The following UBE3C variants were observed in gnomAD, a reference collection of about 807,000 sequenced individuals.
UBE3C encodes ubiquitin-protein ligase E3C.
Under a neutral mutation model 129.4 loss-of-function variants are expected in UBE3C, and 42 were observed. That is an observed-to-expected ratio of 0.32 (90% confidence interval 0.25 to 0.42). UBE3C has a LOEUF of 0.42. UBE3C is among the 10% of genes least tolerant of loss of function. UBE3C has a pLI of 1.00. For synonymous variants in UBE3C, 510 were observed against 492.4 expected, an observed-to-expected ratio of 1.04 and a Z score of -0.47; for missense variants, 1,049 against 1,319.1, an observed-to-expected ratio of 0.80 and a Z score of 3.17.
chr7:157,203,270 T>C (rs1264089594), intron 11 of UBE3C, among the ~76,000 whole-genome samples: 1 of 152,148 alleles, frequency 6.6e-6, no homozygotes, highest in East Asian at 1.9e-4. Context: ...CTCATAAAGG[T>C]TAAGTGAGTT....
intron 22 of UBE3C, among the ~76,000 whole-genome samples, chr7:157,264,085 A>C (rs1796998469): frequency 6.6e-6 from 1 of 151,856 alleles, no homozygotes; most frequent in Non-Finnish European, 1.5e-5. Flanking sequence ...ACACACACAC[A>C]CACCTGGTAT....
chr7:157,141,980 C>T (rs776572627), intron 1 of UBE3C, among the ~76,000 whole-genome samples: 1 of 152,228 alleles, frequency 6.6e-6, no homozygotes. Context: ...TTGTGCACAC[C>T]GCTGCCACAG....
intron 1 of UBE3C, among the ~76,000 whole-genome samples, chr7:157,147,999 T>C (rs1037293659): frequency 4.6e-5 from 7 of 152,192 alleles, no homozygotes; most frequent in African/African-American, 1.7e-4. Flanking sequence ...TTAGGGTGTT[T>C]TTGTGATGTC....
chr7:157,142,971 G>A lies in UBE3C; in HGVS notation c.66+3633G>A, dbSNP rs193157524. ...AAACCTCCACCTCCCGGGTTCAAGC[G>A]ATTCTCCTGCCTCAGCTTCCCGGGT... On this transcript the variant is annotated intron_variant, in intron 1 of 22. Coordinates refer to ENST00000348165, the MANE Select transcript of UBE3C (RefSeq NM_014671.3). Among the ~76,000 whole-genome samples, 381 of 152,002 alleles carry A rather than the reference G, an allele frequency of 2.5e-3. 1 individual carries two copies. Among genetic ancestry groups the A allele is most frequent in the Non-Finnish European group, 4.6e-3 (313 of 67,982 alleles).
intron 13 of UBE3C, 51 bp from the exon 14 acceptor site, chr7:157,216,816 A>G (rs1795590557): frequency 3.5e-6 from 5 of 1,426,922 alleles, no homozygotes; most frequent in African/African-American, 1.4e-5. Flanking sequence ...CTCACTGTGC[A>G]TTGTGCTGCC....
At chr7:157,197,693 C>T in intron 10 of UBE3C, 2 of 1,609,500 alleles carry the variant, frequency 1.2e-6, no homozygotes, top group Non-Finnish European at 1.7e-6. Flanking sequence ...GAAATGAAGT[C>T]ACAAGAATAA....
intron 9 of UBE3C, 100 bp downstream of exon 9, chr7:157,184,129 C>A (rs960378195): frequency 1.4e-4 from 207 of 1,478,738 alleles, no homozygotes; most frequent in Non-Finnish European, 2.4e-5. Context: ...ACAAGTCAGA[C>A]CCTCAAGCAG....
chr7:157,186,431 T>G (rs905208403), intron 9 of UBE3C, among the ~76,000 whole-genome samples: 6 of 151,278 alleles, frequency 4.0e-5, no homozygotes, highest in South Asian at 4.2e-4. Context: ...AAAAAAAAAT[T>G]TATGTAATAC....
Position 157,182,301 on chromosome 7 carries a change from G to A in UBE3C, c.964G>A (p.Val322Ile), listed in dbSNP as rs528939743. 1.6e-5 allele frequency: 26 copies of A among 1,613,570 alleles called. No individual in the cohort carries two copies. The highest frequency in any genetic ancestry group is 3.3e-5 in the South Asian group (3 of 90,950). ...TGGAGCACCCTGGCTTTTCTATTTCGTTTTAACTGTTGGCGAAAATTATTT... is the reference window on the plus strand; with the variant it reads ...TGGAGCACCCTGGCTTTTCTATTTCATTTTAACTGTTGGCGAAAATTATTT... ...SGGAPWLFYFVLTVGENYLGA... is the reference protein window; with the variant it reads ...SGGAPWLFYFILTVGENYLGA... The change falls in exon 8 of 23, where the codon GTT (valine) becomes ATT (isoleucine). Residue 322 changes from valine to isoleucine, a missense_variant. Transcript: ENST00000348165.
intron 11 of UBE3C, among the ~76,000 whole-genome samples, chr7:157,202,414 T>C (rs921953569): frequency 1.3e-5 from 2 of 152,190 alleles, no homozygotes; most frequent in African/African-American, 4.8e-5. Context: ...TCCAGCACTT[T>C]GGGAGGCCGA....
At chr7:157,141,752 C>T (rs1462496660) in intron 1 of UBE3C, among the ~76,000 whole-genome samples, 1 of 152,206 alleles carries the variant, frequency 6.6e-6, no homozygotes, top group East Asian at 1.9e-4. Context: ...TGTTGAACTT[C>T]AGGGGCATGG....
chr7:157,230,713 A>AT lies in UBE3C; in HGVS notation c.2234-367_2234-366insT, dbSNP rs1169272336. 2.7e-5 allele frequency among the ~76,000 whole-genome samples: 4 copies of AT among 149,616 alleles called. No individual in the cohort carries two copies. The East Asian group carries it at 5.9e-4, about 22-fold the overall frequency. ...CCGTCTCAAAAAAAAAAAAAAAAAA[A>AT]ACCTCCTAATGTTTTAAGAATTTAG... On this transcript the variant is annotated intron_variant, in intron 17 of 22. Transcript: ENST00000348165.
At position 157,215,285 on chromosome 7, in the gene UBE3C, T is replaced by C. The variant is rs548457259; in HGVS notation, c.1810-1582T>C. 1.2e-4 allele frequency among the ~76,000 whole-genome samples: 18 copies of C among 152,212 alleles called. No homozygotes were observed. The South Asian group carries it at 3.7e-3, about 32-fold the overall frequency. On this transcript the variant is annotated intron_variant, in intron 13 of 22. Coordinates refer to ENST00000348165, the MANE Select transcript of UBE3C (RefSeq NM_014671.3). ...TATCAACCCAAGTACCCTTCCCCTT[T>C]TTTCTTGGGCACACAGAATTTCTGG...
At chr7:157,210,420 T>C (rs1809558828) in intron 13 of UBE3C, among the ~76,000 whole-genome samples, 1 of 152,212 alleles carries the variant, frequency 6.6e-6, no homozygotes, top group African/African-American at 2.4e-5. Flanking sequence ...TTAGCTGTTC[T>C]TTTAAGAAAA....
In UBE3C at chr7:157,220,590, C is replaced by T. The variant is rs138197528; in HGVS notation, c.1915-99C>T. On this transcript the variant is annotated intron_variant, in intron 14 of 22. Coordinates refer to ENST00000348165, the MANE Select transcript of UBE3C (RefSeq NM_014671.3). The stretch of plus-strand genomic sequence containing the variant: ...GAGGTCAGAGAGAGGGCCCAGCCCA[C>T]GGTAGAGAAATGTCCAGCACCAATT... 217 of 1,390,084 alleles carry T rather than the reference C, an allele frequency of 1.6e-4. No homozygotes were observed. The African/African-American group carries it at 1.8e-3, about 12-fold the overall frequency. 86.1% of individuals were successfully genotyped at this position (1,390,084 alleles called of 1,614,324 possible).
intron 17 of UBE3C, among the ~76,000 whole-genome samples, chr7:157,228,855 C>G (rs1017299763): frequency 2.0e-5 from 3 of 152,222 alleles, no homozygotes; most frequent in Admixed American, 2.0e-4. Flanking sequence ...AGACTATTTA[C>G]ACTCCAGGTA....
intron 18 of UBE3C, among the ~76,000 whole-genome samples, chr7:157,241,781 C>T (rs556577503): frequency 5.9e-5 from 9 of 152,310 alleles, no homozygotes; most frequent in South Asian, 4.1e-4. Flanking sequence ...AGCTGACAAA[C>T]GGGTAAACAG....
At chr7:157,211,195 C>CGAG (rs1809586520) in intron 13 of UBE3C, among the ~76,000 whole-genome samples, 1 of 70,628 alleles carries the variant, frequency 1.4e-5, no homozygotes, top group African/African-American at 1.1e-4. Context: ...AGAGAGAGAG[C>CGAG]CATACTATGA....
chr7:157,226,803 G>A lies in UBE3C; in HGVS notation c.2233+1264G>A, dbSNP rs543918928. Reference sequence around the variant, plus strand: ...ATGCCGAGTGTCATCAGCTGAGACCGAGTAAACTTAGGTCTGCATGCAGGC... The same window carrying A: ...ATGCCGAGTGTCATCAGCTGAGACCAAGTAAACTTAGGTCTGCATGCAGGC... On this transcript the variant is annotated intron_variant, in intron 17 of 22. Coordinates refer to ENST00000348165, the MANE Select transcript of UBE3C (RefSeq NM_014671.3). Among the ~76,000 whole-genome samples the A allele has an allele frequency of 2.6e-5, 4 of 151,396 alleles. No individual in the cohort carries two copies. The South Asian group carries it at 6.3e-4, about 24-fold the overall frequency.
Sources: gnomAD v4.1 joint callset for allele counts (sites outside exome capture counted in the v4.1 genomes callset) on GRCh38, gnomAD v4.1.1 for gene constraint, MANE v1.5 for transcripts, NCBI Gene and HGNC (gene_info 2026-07-23, HGNC 2026-07-21) for gene names.